The following DMD variants were observed in gnomAD, a reference collection of about 807,000 sequenced individuals.
DMD encodes mutant dystrophin.
DMD carries 63 observed loss-of-function variants against 330.1 expected under a neutral mutation model. The ratio of observed to expected loss-of-function variants is 0.19; its 90% CI spans 0.16 to 0.24. The LOEUF is 0.24. DMD is among the 10% of genes least tolerant of loss of function. The probability of loss-of-function intolerance (pLI) is 1.00; values close to 1 mark genes in which losing one functional copy is unlikely to be tolerated. For synonymous variants in DMD, 1,223 were observed against 959.8 expected (o/e 1.27, Z -5.07); for missense variants, 3,344 against 2,684.1 (o/e 1.25, Z -5.43).
At chrX:32,548,094 G>T (rs1195739519) in intron 16 of DMD, among the ~76,000 whole-genome samples, 3 of 111,432 alleles carry the variant, frequency 2.7e-5, no homozygotes, top group Non-Finnish European at 5.7e-5. Flanking sequence ...GTCAATCAAA[G>T]AATTCTAAAA....
intron 47 of DMD, among the ~76,000 whole-genome samples, chrX:31,895,353 T>C (rs1459226101): frequency 8.9e-6 from 1 of 112,343 alleles, no homozygotes; most frequent in African/African-American, 3.2e-5. Context: ...AGAGATCTTA[T>C]GACTAGGGTT....
At chrX:33,293,411 T>C (rs1215927371) in intron 1 of DMD, among the ~76,000 whole-genome samples, 1 of 111,670 alleles carries the variant, frequency 9.0e-6, no homozygotes, top group African/African-American at 3.3e-5. Flanking sequence ...TATTATTAGT[T>C]TGTCTTCTTC....
At chrX:32,711,730 G>A (rs1311000001) in intron 7 of DMD, among the ~76,000 whole-genome samples, 10 of 111,688 alleles carry the variant, frequency 9.0e-5, no homozygotes, top group African/African-American at 2.9e-4. Flanking sequence ...AGTAATACTT[G>A]TCACCAGATG....
intron 43 of DMD, among the ~76,000 whole-genome samples, chrX:32,263,683 C>A (rs1325407974): frequency 9.0e-6 from 1 of 111,729 alleles, no homozygotes; most frequent in Non-Finnish European, 1.9e-5. Flanking sequence ...ACATGAAACA[C>A]ATATGCTAGC....
At chrX:32,782,412 C>A (rs1319263264) in intron 7 of DMD, among the ~76,000 whole-genome samples, 1 of 111,746 alleles carries the variant, frequency 8.9e-6, no homozygotes, top group Non-Finnish European at 1.9e-5. Flanking sequence ...CTGTGAAATG[C>A]AGAGTGGAAG....
chrX:32,683,470 A>T (rs943628201), intron 9 of DMD, among the ~76,000 whole-genome samples: 5 of 109,506 alleles, frequency 4.6e-5, no homozygotes, highest in Non-Finnish European at 9.5e-5. Flanking sequence ...GCCATAAAAA[A>T]GGATGAGTTC....
chrX:32,275,587 G>A (rs751354395), intron 43 of DMD, among the ~76,000 whole-genome samples: 4 of 111,921 alleles, frequency 3.6e-5, no homozygotes, highest in Non-Finnish European at 7.5e-5. Flanking sequence ...CAGTGTTTAG[G>A]TGAACTGGTA....
At chrX:32,449,596 T>C (rs76308532) in intron 26 of DMD, among the ~76,000 whole-genome samples, 1 of 108,124 alleles carries the variant, frequency 9.2e-6, no homozygotes, top group Admixed American at 1.0e-4. Flanking sequence ...TTTTTTTTTT[T>C]TCATCCACAC....
intron 44 of DMD, among the ~76,000 whole-genome samples, chrX:32,184,795 G>T (rs150338719): frequency 1.6e-3 from 161 of 100,283 alleles, no homozygotes; most frequent in African/African-American, 5.4e-3. Context: ...CAAGTGGTTA[G>T]AAAGGAGAAA....
At chrX:33,135,766 G>A (rs979605817) in intron 1 of DMD, among the ~76,000 whole-genome samples, 2 of 111,721 alleles carry the variant, frequency 1.8e-5, no homozygotes, top group African/African-American at 6.5e-5. Flanking sequence ...TTTTAAAATG[G>A]TCTAATAACA....
rs2055437595 is a variant in DMD, at chrX:32,595,680, T to A, written c.1602+77A>T. On this transcript the variant is annotated intron_variant, in intron 13 of 78. Coordinates refer to ENST00000357033, the MANE Select transcript of DMD (RefSeq NM_004006.3). The stretch of plus-strand genomic sequence containing the variant: ...AAGTATTTTAATATATAAATTGCAT[T>A]CTAAATTTTTAAAATACTTTTCAAG... 7 of 998,160 alleles carry A rather than the reference T, an allele frequency of 7.0e-6. No individual in the cohort carries two copies. In the Admixed American group the frequency reaches 9.6e-5, roughly 14 times the overall value. 82.3% of individuals were successfully genotyped at this position (998,160 alleles called of 1,213,427 possible).
At chrX:32,283,933 C>A (rs1039738848) in intron 43 of DMD, among the ~76,000 whole-genome samples, 1 of 111,268 alleles carries the variant, frequency 9.0e-6, no homozygotes, top group Non-Finnish European at 1.9e-5. Context: ...GAGCGACACA[C>A]AGCAAGAATA....
chrX:31,336,184 A>C, intron 61 of DMD, among the ~76,000 whole-genome samples: 1 of 112,728 alleles, frequency 8.9e-6, no homozygotes, highest in Non-Finnish European at 1.9e-5. Context: ...CACTGTATTT[A>C]GTGTTCCACA....
chrX:33,196,163 C>A (rs769243527), intron 1 of DMD, among the ~76,000 whole-genome samples: 5 of 111,626 alleles, frequency 4.5e-5, no homozygotes, highest in Non-Finnish European at 9.4e-5. Context: ...GTGGAAGAGA[C>A]ATGGTGATAG....
At chrX:31,705,707 G>A (rs978287733) in intron 52 of DMD, among the ~76,000 whole-genome samples, 1 of 112,246 alleles carries the variant, frequency 8.9e-6, no homozygotes, top group African/African-American at 3.2e-5. Context: ...GGTTGCTGTT[G>A]GAAATCAACA....
intron 44 of DMD, among the ~76,000 whole-genome samples, chrX:32,000,074 T>C (rs1314944419): frequency 8.9e-6 from 1 of 112,602 alleles, no homozygotes; most frequent in Non-Finnish European, 1.9e-5. Flanking sequence ...TGTGACTCCA[T>C]AGTGATCATA....
chrX:31,861,691 G>C, intron 48 of DMD, among the ~76,000 whole-genome samples: 1 of 86,929 alleles, frequency 1.2e-5, no homozygotes, highest in Admixed American at 1.3e-4. Context: ...CACACACACA[G>C]CATTTTACTC....
intron 25 of DMD, among the ~76,000 whole-genome samples, chrX:32,458,976 G>C (rs749010705): frequency 9.0e-6 from 1 of 110,936 alleles, no homozygotes; most frequent in South Asian, 3.8e-4. Context: ...CACAGAACTA[G>C]AGAGTAGAAT....
chrX:32,491,633 C>A, intron 19 of DMD, 115 bp from the exon 20 acceptor site: 1 of 706,467 alleles, frequency 1.4e-6, no homozygotes, highest in Non-Finnish European at 2.1e-6. Context: ...GATTTCAAAC[C>A]AGATCAATTA....
Sources: gnomAD v4.1 joint callset for allele counts (sites outside exome capture counted in the v4.1 genomes callset) on GRCh38, gnomAD v4.1.1 for gene constraint, MANE v1.5 for transcripts, NCBI Gene and HGNC (gene_info 2026-07-23, HGNC 2026-07-21) for gene names.